L3MBTL2: variants seen among roughly 807,000 people sequenced by gnomAD.
L3MBTL2 encodes the protein lethal(3)malignant brain tumor-like protein 2.
A neutral mutation model predicts 86.4 loss-of-function variants in L3MBTL2; 49 were observed. The ratio of observed to expected loss-of-function variants is 0.57; its 90% CI spans 0.45 to 0.72. The LOEUF (loss-of-function observed/expected upper bound fraction) is 0.72. Ranked by LOEUF, L3MBTL2 falls within the 30% of genes least tolerant of loss-of-function variation. L3MBTL2 has a pLI of 0.00. For missense variants in L3MBTL2, 755 were observed against 923.7 expected (o/e 0.82, Z 2.37); for synonymous variants, 336 against 350.6 (o/e 0.96, Z 0.47).
chr22:41,229,955 C>A (rs1211795926), intron 16 of L3MBTL2, among the ~76,000 whole-genome samples, 184 bp from the exon 17 acceptor site: 1 of 152,174 alleles, frequency 6.6e-6, no homozygotes, highest in Non-Finnish European at 1.5e-5. Context: ...GTTGGCATAG[C>A]CTGCCTGGCT....
chr22:41,211,817 A>T (rs1289384991), intron 2 of L3MBTL2, among the ~76,000 whole-genome samples: 2 of 146,306 alleles, frequency 1.4e-5, no homozygotes, highest in Non-Finnish European at 3.0e-5. Flanking sequence ...TCGGCCTCCA[A>T]AAATGCTGGG....
Position 41,211,391 on chromosome 22 carries a change from G to A in L3MBTL2, c.262+1458G>A, listed in dbSNP as rs1467639261. 4.6e-5 allele frequency among the ~76,000 whole-genome samples: 7 copies of A among 150,796 alleles called. No homozygotes were observed. In the Admixed American group the frequency reaches 4.6e-4, roughly 10 times the overall value. On this transcript the variant is annotated intron_variant, in intron 2 of 16. Coordinates refer to ENST00000216237, the MANE Select transcript of L3MBTL2 (RefSeq NM_031488.5). ...AATTTTTGTATTTTTTTTTTGTAGA[G>A]ACAGGGGTTTTGCCCTGTTACCCAG...
chr22:41,211,397 G>T (rs531577613), intron 2 of L3MBTL2, among the ~76,000 whole-genome samples: 1 of 151,402 alleles, frequency 6.6e-6, no homozygotes, highest in Non-Finnish European at 1.5e-5. Flanking sequence ...TAGAGACAGG[G>T]GTTTTGCCCT....
intron 1 of L3MBTL2, chr22:41,208,439 GT>G: frequency 3.3e-6 from 1 of 303,430 alleles, no homozygotes; most frequent in Non-Finnish European, 6.6e-6. Context: ...CTCTTCACAC[GT>G]TTTCTGTTAC....
chr22:41,221,075 C>A, intron 7 of L3MBTL2, 124 bp from the exon 8 acceptor site: 2 of 973,244 alleles, frequency 2.1e-6, no homozygotes, highest in Non-Finnish European at 3.0e-6. Context: ...TCATTGCTGG[C>A]CTGAAGAGGC....
intron 13 of L3MBTL2, 128 bp downstream of exon 13, chr22:41,226,872 G>A (rs1331096883): frequency 3.8e-6 from 3 of 791,296 alleles, no homozygotes; most frequent in Non-Finnish European, 6.1e-6. Flanking sequence ...CACTTTCAGG[G>A]GGAAGTCCCC....
At position 41,227,639 on chromosome 22, in the gene L3MBTL2, TC is replaced by T; in HGVS notation, c.1823-163del. The T allele has an allele frequency of 6.5e-7, 1 of 1,549,284 alleles. No individual in the cohort carries two copies. The highest frequency in any genetic ancestry group is 8.7e-7 in the Non-Finnish European group (1 of 1,145,916). On this transcript the variant is annotated intron_variant, in intron 14 of 16. Transcript: ENST00000216237. This position sits in a 1 kb window ranked among gnomAD's most constrained non-coding sequence, Gnocchi z 6.0. ...GGGTGGGAAGAAGGGACAGCTGTTC[TC>T]CGGCCCCTCCTCCAGCCCCGCCCTC... is the stretch of plus-strand genomic sequence containing the variant.
chr22:41,222,006 C>A (rs545471629), intron 8 of L3MBTL2, among the ~76,000 whole-genome samples: 1 of 152,274 alleles, frequency 6.6e-6, no homozygotes, highest in East Asian at 1.9e-4. Context: ...TCAAGCAATT[C>A]TTCTGCCTCA....
intron 4 of L3MBTL2, chr22:41,216,915 C>T (rs1453006131): frequency 5.9e-6 from 3 of 506,822 alleles, no homozygotes; most frequent in Non-Finnish European, 1.1e-5. Flanking sequence ...GTCTTGCCAC[C>T]TTTCAATTCA....
intron 2 of L3MBTL2, among the ~76,000 whole-genome samples, chr22:41,212,521 C>T (rs899589673): frequency 2.6e-5 from 4 of 151,646 alleles, no homozygotes; most frequent in African/African-American, 4.8e-5. Context: ...CCCCAGCCTC[C>T]GGAGTAGCTG....
Position 41,227,934 on chromosome 22 carries a change from G to T in L3MBTL2, c.1888+65G>T, listed in dbSNP as rs1367395494. The T allele has an allele frequency of 1.9e-6, 3 of 1,582,904 alleles. No homozygotes were observed. Among genetic ancestry groups the T allele is most frequent in the African/African-American group, 2.7e-5 (2 of 74,052 alleles). On this transcript the variant is annotated intron_variant, in intron 15 of 16. Coordinates refer to ENST00000216237, the MANE Select transcript of L3MBTL2 (RefSeq NM_031488.5). This position sits in a 1 kb window ranked among gnomAD's most constrained non-coding sequence, Gnocchi z 6.0. The stretch of plus-strand genomic sequence containing the variant: ...GGGAGCAGTGGGCCTGCGTCCCTGG[G>T]AGCAGGCGGGGGTCAGCCCCCAGGC...
intron 5 of L3MBTL2, chr22:41,217,951 G>T (rs1025509443): frequency 6.6e-6 from 1 of 152,250 alleles, no homozygotes; most frequent in Admixed American, 6.5e-5. Flanking sequence ...TCTCGTCTCT[G>T]AATGGCTAAT....
chr22:41,223,573 G>A (rs780435518), intron 8 of L3MBTL2, among the ~76,000 whole-genome samples: 6 of 152,198 alleles, frequency 3.9e-5, no homozygotes, highest in African/African-American at 1.2e-4. Flanking sequence ...GGGAGGGGGC[G>A]GGGAGGGCAG....
chr22:41,215,034 A>T (rs890723851), intron 3 of L3MBTL2, among the ~76,000 whole-genome samples: 3 of 152,068 alleles, frequency 2.0e-5, no homozygotes, highest in Non-Finnish European at 2.9e-5. Flanking sequence ...TCCTACTCCG[A>T]AAGGTTCTGA....
At chr22:41,226,984 G>A in intron 13 of L3MBTL2, 105 bp from the exon 14 acceptor site, 1 of 1,018,202 alleles carries the variant, frequency 9.8e-7, no homozygotes, top group African/African-American at 1.6e-5. Flanking sequence ...AGCCATTCCA[G>A]TCCCCGCCCC....
chr22:41,216,408 C>T (rs1440116849), intron 4 of L3MBTL2, 146 bp downstream of exon 4: 7 of 927,498 alleles, frequency 7.5e-6, no homozygotes, highest in Non-Finnish European at 1.1e-5. Context: ...TTGCATCTTC[C>T]TCACCTGTTG....
At chr22:41,210,479 G>T (rs1050365166) in intron 2 of L3MBTL2, among the ~76,000 whole-genome samples, 2 of 152,164 alleles carry the variant, frequency 1.3e-5, no homozygotes, top group Non-Finnish European at 2.9e-5. Flanking sequence ...ACAGGCGCCC[G>T]CCATGACGCC....
chr22:41,229,525 C>A lies in L3MBTL2; in HGVS notation c.1889-15C>A, dbSNP rs763350464. 1.9e-6 allele frequency: 3 copies of A among 1,603,664 alleles called. No individual in the cohort carries two copies. In the Admixed American group the frequency reaches 5.0e-5, roughly 27 times the overall value. On this transcript the variant is annotated splice_polypyrimidine_tract_variant and intron_variant, in intron 15 of 16. Transcript: ENST00000216237. ...ACAACCCTAATGCTGGGTTTGAATC[C>A]ATTTTTATTCAAAGGGAAAAGAATC...
intron 8 of L3MBTL2, among the ~76,000 whole-genome samples, chr22:41,222,168 G>C (rs1475923074): frequency 6.6e-6 from 1 of 152,222 alleles, no homozygotes; most frequent in Non-Finnish European, 1.5e-5. Context: ...CTCCCAAAGT[G>C]CTGGGATTAT....
Sources: allele counts gnomAD v4.1 joint callset (sites outside exome capture counted in the v4.1 genomes callset), GRCh38; gene constraint gnomAD v4.1.1; non-coding constraint Gnocchi (gnomAD v3.1); transcripts MANE v1.5; gene names NCBI Gene and HGNC (gene_info 2026-07-23, HGNC 2026-07-21).